Variants in PCDHA2 observed in about 807,000 individuals in gnomAD.
PCDHA2 encodes the protein protocadherin alpha-2.
Under a neutral mutation model 66.0 loss-of-function variants are expected in PCDHA2, and 58 were observed. The ratio of observed to expected loss-of-function variants is 0.88; its 90% CI spans 0.71 to 1.09. PCDHA2 has a LOEUF of 1.09. Ranked by LOEUF, PCDHA2 falls within the 50% of genes least tolerant of loss-of-function variation. The pLI, the probability that PCDHA2 is intolerant of heterozygous loss-of-function variation, is 0.00. For missense variants in PCDHA2, 1,267 were observed against 1,242.3 expected (o/e 1.02, Z -0.30); for synonymous variants, 634 against 554.0 (o/e 1.14, Z -2.03).
At chr5:140,822,284 G>C (rs2150115215) in intron 1 of PCDHA2, 4 of 1,614,234 alleles carry the variant, frequency 2.5e-6, no homozygotes, top group Non-Finnish European at 3.4e-6. Flanking sequence ...TTGAGATACA[G>C]GTTAAATCCA....
intron 1 of PCDHA2, chr5:140,871,033 C>T (rs201299652): frequency 1.2e-6 from 2 of 1,613,234 alleles, no homozygotes; most frequent in East Asian, 2.2e-5. Context: ...CTCGCCGCGC[C>T]ACCGACTTCT....
In PCDHA2 at chr5:141,010,015, C is replaced by G; in HGVS notation, c.*78C>G. On this transcript the variant is annotated 3_prime_UTR_variant, in exon 4 of 4. Transcript: ENST00000526136. ...CTCTCCCATGTAGCAATTCCCTGCT[C>G]CTTTTTCCTATCTACATGAGCCCTC... is the stretch of plus-strand genomic sequence containing the variant. 6.4e-7 allele frequency: 1 copy of G among 1,572,182 alleles called. No homozygotes were observed. Among genetic ancestry groups the G allele is most frequent in the Non-Finnish European group, 8.6e-7 (1 of 1,163,250 alleles).
At chr5:140,843,626 C>G (rs1779006743) in intron 1 of PCDHA2, 2 of 1,596,058 alleles carry the variant, frequency 1.3e-6, no homozygotes, top group East Asian at 4.5e-5. Context: ...GAAGACGGAC[C>G]TCATGGCCTT....
chr5:140,876,326 T>C, intron 1 of PCDHA2: 4 of 1,614,046 alleles, frequency 2.5e-6, no homozygotes, highest in Non-Finnish European at 3.4e-6. Context: ...AAAATGATTT[T>C]GCCAGTGAGT....
At position 140,856,759 on chromosome 5, in the gene PCDHA2, C is replaced by A. The variant is rs148775418; in HGVS notation, c.2388+59407C>A. The stretch of plus-strand genomic sequence containing the variant: ...TCCTGGTGTTAGATGCCAATGATAA[C>A]GCCCCTATCTTTGACAGACCGGTTT... On this transcript the variant is annotated intron_variant, in intron 1 of 3. Transcript: ENST00000526136. 2.5e-6 allele frequency: 4 copies of A among 1,596,386 alleles called. 1 individual carries two copies. The highest frequency in any genetic ancestry group is 1.7e-4 in the Middle Eastern group (1 of 5,998).
At chr5:141,000,950 T>C (rs781867970) in intron 3 of PCDHA2, among the ~76,000 whole-genome samples, 2 of 152,214 alleles carry the variant, frequency 1.3e-5, no homozygotes, top group Non-Finnish European at 2.9e-5. Flanking sequence ...ATTATCTTGC[T>C]GTAATTTAAG....
At chr5:140,858,549 G>C in intron 1 of PCDHA2, 1 of 1,394,430 alleles carries the variant, frequency 7.2e-7, no homozygotes, top group South Asian at 1.2e-5. Context: ...TTCCATTTAT[G>C]CTTGAATATT....
chr5:140,858,392 G>T, intron 1 of PCDHA2: 1 of 1,579,080 alleles, frequency 6.3e-7, no homozygotes, highest in Non-Finnish European at 8.7e-7. Context: ...AATGGTAGAT[G>T]TGGACGGGGA....
intron 1 of PCDHA2, among the ~76,000 whole-genome samples, chr5:140,798,097 C>G (rs1484810374): frequency 2.0e-5 from 3 of 152,116 alleles, no homozygotes; most frequent in Non-Finnish European, 4.4e-5. Flanking sequence ...GTCTCAAACT[C>G]CTGGCCTCAA....
rs2150364461 is a variant in PCDHA2, at chr5:140,843,643, C to T, written c.2388+46291C>T. 81 of 1,595,634 alleles carry T rather than the reference C, an allele frequency of 5.1e-5. 5 individuals are homozygous for T. In the South Asian group the frequency reaches 8.1e-4, roughly 16 times the overall value. On this transcript the variant is annotated intron_variant, in intron 1 of 3. Transcript: ENST00000526136. ...AGACGGACCTCATGGCCTTCAGCCC[C>T]TGCCTTCCTCCTGATCTGGGATCAG...
intron 1 of PCDHA2, among the ~76,000 whole-genome samples, chr5:140,799,336 T>C (rs781920187): frequency 6.6e-5 from 10 of 152,134 alleles, no homozygotes; most frequent in Non-Finnish European, 1.3e-4. Context: ...AAGTGCAGTA[T>C]TACAATAAGT....
In PCDHA2 at chr5:140,869,324, T is replaced by C. The variant is rs1581884799; in HGVS notation, c.2388+71972T>C. 1.9e-6 allele frequency: 3 copies of C among 1,613,876 alleles called. No individual in the cohort carries two copies. In the East Asian group the frequency reaches 6.7e-5, roughly 36 times the overall value. On this transcript the variant is annotated intron_variant, in intron 1 of 3. Coordinates refer to ENST00000526136, the MANE Select transcript of PCDHA2 (RefSeq NM_018905.3). Reference sequence around the variant, plus strand: ...GTGGCGTCCAAAACACATGGGGACCTTCTGGAGGTAAATCTGCAGAATGGC... The same window carrying C: ...GTGGCGTCCAAAACACATGGGGACCCTCTGGAGGTAAATCTGCAGAATGGC...
chr5:140,882,284 C>T (rs782560108), intron 1 of PCDHA2: 7 of 1,612,734 alleles, frequency 4.3e-6, no homozygotes, highest in Non-Finnish European at 5.9e-6. Context: ...GTCTTCCTGG[C>T]AAGGAGGCCC....
chr5:140,795,994 A>G lies in PCDHA2; in HGVS notation c.1030A>G (p.Asn344Asp). The G allele has an allele frequency of 1.2e-6, 2 of 1,614,128 alleles. No individual in the cohort carries two copies. The highest frequency in any genetic ancestry group is 1.7e-6 in the Non-Finnish European group (2 of 1,180,012). The part of the protein sequence containing the change: ...CKISLKLVDI[N>D]DNTPEVSITS... ...AATTTCATTAAAACTTGTGGACATC[A>G]ATGATAACACACCAGAAGTCTCAAT... Residue 344 changes from asparagine (N) to aspartate (D), a missense_variant, in exon 1 of 4, where the codon AAT becomes GAT. Asn to Asp is a conservative substitution (Grantham distance 23, BLOSUM62 1). Transcript: ENST00000526136.
At chr5:140,812,535 T>A (rs1554126002) in intron 1 of PCDHA2, 1 of 152,188 alleles carries the variant, frequency 6.6e-6, no homozygotes, top group Admixed American at 6.5e-5. Flanking sequence ...TTTGTCCTTT[T>A]TTTCTAGTTC....
At chr5:140,871,636 T>C in intron 1 of PCDHA2, 1 of 1,364,788 alleles carries the variant, frequency 7.3e-7, no homozygotes, top group Non-Finnish European at 9.8e-7. Flanking sequence ...TGTCTGTTCA[T>C]AAAATACCAA....
At position 140,842,101 on chromosome 5, in the gene PCDHA2, A is replaced by G; in HGVS notation, c.2388+44749A>G. 6.2e-7 allele frequency: 1 copy of G among 1,613,930 alleles called. No individual in the cohort carries two copies. The highest frequency in any genetic ancestry group is 8.5e-7 in the Non-Finnish European group (1 of 1,179,886). ...TCGAAAACGCAGACAACGGAACAAC[A>G]GTTATCAAACTGAATGCTTCTGATC... is the stretch of plus-strand genomic sequence containing the variant. On this transcript the variant is annotated intron_variant, in intron 1 of 3. Coordinates refer to ENST00000526136, the MANE Select transcript of PCDHA2 (RefSeq NM_018905.3).
intron 1 of PCDHA2, among the ~76,000 whole-genome samples, chr5:140,890,477 C>G (rs1255992157): frequency 6.6e-6 from 1 of 151,926 alleles, no homozygotes; most frequent in African/African-American, 2.4e-5. Context: ...ATTTTTTGTG[C>G]GTTATTTTTG....
In PCDHA2 at chr5:140,835,601, A is replaced by T. The variant is rs2150239166; in HGVS notation, c.2388+38249A>T. Reference sequence around the variant, plus strand: ...TGTCCACCTTCAAGAATTACTATTCATTGGTGCTGGACAGCGCTCTGGACC... The same window carrying T: ...TGTCCACCTTCAAGAATTACTATTCTTTGGTGCTGGACAGCGCTCTGGACC... On this transcript the variant is annotated intron_variant, in intron 1 of 3. Coordinates refer to ENST00000526136, the MANE Select transcript of PCDHA2 (RefSeq NM_018905.3). 5 of 1,613,788 alleles carry T rather than the reference A, an allele frequency of 3.1e-6. No individual in the cohort carries two copies. The African/African-American group carries it at 5.3e-5, about 17-fold the overall frequency.
Sources: allele counts gnomAD v4.1 joint callset (sites outside exome capture counted in the v4.1 genomes callset), GRCh38; gene constraint gnomAD v4.1.1; transcripts MANE v1.5; gene names NCBI Gene and HGNC (gene_info 2026-07-23, HGNC 2026-07-21).